THRB: variants seen among roughly 807,000 people sequenced by gnomAD.
The protein encoded by THRB is thyroid hormone receptor beta.
A neutral mutation model predicts 47.8 loss-of-function variants in THRB; 12 were observed. The observed-to-expected ratio is 0.25, with a 90% CI of 0.16 to 0.41. THRB has a LOEUF of 0.41. Among genes scored for constraint, THRB ranks in the 10% least tolerant of loss-of-function variants. The pLI is 1.00. For missense variants in THRB, 348 were observed against 589.2 expected, an observed-to-expected ratio of 0.59 and a Z score of 4.24; for synonymous variants, 218 against 212.2, an observed-to-expected ratio of 1.03 and a Z score of -0.24.
At chr3:24,318,410 G>A (rs892992394) in intron 2 of THRB, 1 of 152,250 alleles carries the variant, frequency 6.6e-6, no homozygotes, top group Non-Finnish European at 1.5e-5. Flanking sequence ...CCTTCTCGTT[G>A]TAACACTCAC....
At chr3:24,237,020 T>C (rs2048941848) in intron 3 of THRB, among the ~76,000 whole-genome samples, 1 of 152,136 alleles carries the variant, frequency 6.6e-6, no homozygotes, top group South Asian at 2.1e-4. Context: ...GAATGTAGTA[T>C]CAAAAAATCA....
At chr3:24,457,565 G>A (rs2073300507) in intron 1 of THRB, among the ~76,000 whole-genome samples, 1 of 152,090 alleles carries the variant, frequency 6.6e-6, no homozygotes, top group East Asian at 1.9e-4. Context: ...TGTCTTAAAA[G>A]GCAACAAACT....
intron 1 of THRB, among the ~76,000 whole-genome samples, chr3:24,388,106 T>C (rs553175746): frequency 2.0e-5 from 3 of 152,184 alleles, no homozygotes; most frequent in Admixed American, 1.3e-4. Context: ...CTGACTCTGA[T>C]GCATATTCCT....
rs564067055 is a variant in THRB at position 24,295,472 on chromosome 3, A to G, written c.-43+1754T>C. ...ATTGAGTGATTGAATGGTACTTTTTACTGTGACATAACTTAGTGTTTTGAC... is the reference window on the plus strand; with the variant it reads ...ATTGAGTGATTGAATGGTACTTTTTGCTGTGACATAACTTAGTGTTTTGAC... On this transcript the variant is annotated intron_variant, in intron 3 of 10. Coordinates refer to ENST00000646209, the MANE Select transcript of THRB (RefSeq NM_001354712.2). 5.3e-5 allele frequency among the ~76,000 whole-genome samples: 8 copies of G among 152,290 alleles called. No homozygotes were observed. In the South Asian group the frequency reaches 1.5e-3, roughly 28 times the overall value.
intron 3 of THRB, among the ~76,000 whole-genome samples, chr3:24,274,430 T>C (rs2053690864): frequency 1.3e-5 from 2 of 152,178 alleles, no homozygotes; most frequent in African/African-American, 2.4e-5. Context: ...GTTCTCTTTC[T>C]TTGTGGGTTA....
intron 4 of THRB, among the ~76,000 whole-genome samples, chr3:24,205,616 C>T (rs952911814): frequency 1.3e-5 from 2 of 152,224 alleles, no homozygotes; most frequent in Non-Finnish European, 2.9e-5. Context: ...AACCAGCTAA[C>T]ATCATAATGA....
chr3:24,224,034 G>T (rs781715790), intron 4 of THRB, among the ~76,000 whole-genome samples: 2 of 152,108 alleles, frequency 1.3e-5, no homozygotes, highest in African/African-American at 2.4e-5. Flanking sequence ...CATTTGGAGG[G>T]TATATACTTA....
chr3:24,489,019 G>A (rs2125941895), intron 1 of THRB, among the ~76,000 whole-genome samples: 1 of 152,210 alleles, frequency 6.6e-6, no homozygotes, highest in East Asian at 1.9e-4. Context: ...ACTTTGGGAG[G>A]CTGAGGTGGG....
At chr3:24,445,857 C>T (rs866818530) in intron 1 of THRB, among the ~76,000 whole-genome samples, 1 of 152,092 alleles carries the variant, frequency 6.6e-6, no homozygotes, top group African/African-American at 2.4e-5. Flanking sequence ...CAACCATAGA[C>T]GTACATCCAA....
At chr3:24,369,162 T>C in intron 1 of THRB, among the ~76,000 whole-genome samples, 1 of 152,150 alleles carries the variant, frequency 6.6e-6, no homozygotes, top group Admixed American at 6.6e-5. Flanking sequence ...ACATCTTATA[T>C]GTTTGCATTG....
intron 1 of THRB, among the ~76,000 whole-genome samples, chr3:24,413,991 C>T (rs545058780): frequency 4.0e-5 from 6 of 151,884 alleles, no homozygotes; most frequent in South Asian, 4.2e-4. Flanking sequence ...GTTAATTGAG[C>T]GTGACTCCAT....
At chr3:24,420,894 C>A (rs1379984531) in intron 1 of THRB, among the ~76,000 whole-genome samples, 1 of 151,876 alleles carries the variant, frequency 6.6e-6, no homozygotes, top group African/African-American at 2.4e-5. Context: ...AAGACACATG[C>A]ACATGTATGT....
At chr3:24,316,087 A>G (rs972223520) in intron 2 of THRB, among the ~76,000 whole-genome samples, 2 of 152,152 alleles carry the variant, frequency 1.3e-5, no homozygotes, top group African/African-American at 4.8e-5. Context: ...TTTAGAGAAC[A>G]TGTTTCTGCT....
intron 5 of THRB, among the ~76,000 whole-genome samples, chr3:24,152,742 C>T (rs975772231): frequency 5.3e-5 from 8 of 152,066 alleles, no homozygotes; most frequent in Admixed American, 4.6e-4. Context: ...AGGTGGATCA[C>T]CTGGGGTCAG....
chr3:24,358,383 A>C (rs926940331), intron 1 of THRB, among the ~76,000 whole-genome samples: 1 of 150,676 alleles, frequency 6.6e-6, no homozygotes, highest in Non-Finnish European at 1.5e-5. Context: ...ATTTTTAAAA[A>C]CTTGTCTGGT....
chr3:24,186,944 C>CAAAAAAAAAAAA (rs71057655), intron 5 of THRB, among the ~76,000 whole-genome samples: 2 of 77,534 alleles, frequency 2.6e-5, no homozygotes, highest in Non-Finnish European at 4.9e-5. Context: ...GACTCCATTT[C>CAAAAAAAAAAAA]AAAAAAAAAA....
chr3:24,236,345 C>A (rs565301166), intron 3 of THRB, among the ~76,000 whole-genome samples: 6 of 152,158 alleles, frequency 3.9e-5, no homozygotes, highest in Non-Finnish European at 7.4e-5. Context: ...AAAGATAAAT[C>A]ACAATTCCTG....
intron 1 of THRB, among the ~76,000 whole-genome samples, chr3:24,342,468 A>G (rs1172751484): frequency 1.3e-5 from 2 of 152,156 alleles, no homozygotes; most frequent in Non-Finnish European, 1.5e-5. Context: ...TGGCCACTCC[A>G]GCAGGAACTG....
intron 5 of THRB, among the ~76,000 whole-genome samples, chr3:24,184,552 G>C (rs888438186): frequency 3.9e-5 from 6 of 152,106 alleles, no homozygotes; most frequent in African/African-American, 1.4e-4. Flanking sequence ...CCAATCTCGT[G>C]AGTAGCTTTT....
Sources: allele counts gnomAD v4.1 joint callset (sites outside exome capture counted in the v4.1 genomes callset), GRCh38; gene constraint gnomAD v4.1.1; transcripts MANE v1.5; gene names NCBI Gene and HGNC (gene_info 2026-07-23, HGNC 2026-07-21).